The following LTBP1 variants were observed in gnomAD, a reference collection of about 807,000 sequenced individuals.
LTBP1 encodes latent-transforming growth factor beta-binding protein 1.
LTBP1 carries 129 observed loss-of-function variants against 207.6 expected under a neutral mutation model. The ratio of observed to expected loss-of-function variants is 0.62; its 90% confidence interval spans 0.54 to 0.72. LTBP1 has a LOEUF of 0.72. Among genes scored for constraint, LTBP1 ranks in the 30% least tolerant of loss-of-function variants. The pLI is 0.00. For missense variants in LTBP1, 2,281 were observed against 2,217.2 expected (o/e 1.03, Z -0.58); for synonymous variants, 963 against 833.7 (o/e 1.16, Z -2.67).
At chr2:33,312,960 G>C (rs143631012) in intron 23 of LTBP1, among the ~76,000 whole-genome samples, 3 of 152,162 alleles carry the variant, frequency 2.0e-5, no homozygotes, top group African/African-American at 7.2e-5. Flanking sequence ...TCCTCAGATA[G>C]AGGTAATTCT....
intron 27 of LTBP1, among the ~76,000 whole-genome samples, chr2:33,361,114 G>C (rs191535104): frequency 6.6e-6 from 1 of 152,190 alleles, no homozygotes; most frequent in African/African-American, 2.4e-5. Flanking sequence ...CTATGATTTC[G>C]TGTAATTGAT....
At chr2:33,239,208 T>A (rs944093437) in intron 9 of LTBP1, among the ~76,000 whole-genome samples, 15 of 152,236 alleles carry the variant, frequency 9.9e-5, no homozygotes, top group African/African-American at 3.1e-4. Context: ...CTCCTTCATG[T>A]TAGCTGTAGT....
At chr2:33,115,153 A>G (rs2080669724) in intron 4 of LTBP1, among the ~76,000 whole-genome samples, 1 of 151,886 alleles carries the variant, frequency 6.6e-6, no homozygotes, top group African/African-American at 2.4e-5. Context: ...ATGTAGGAGT[A>G]TTACTCAGCC....
chr2:33,359,487 T>C (rs1305831650), intron 26 of LTBP1, among the ~76,000 whole-genome samples: 1 of 152,122 alleles, frequency 6.6e-6, no homozygotes, highest in East Asian at 1.9e-4. Context: ...AAAACAAAGG[T>C]AAGTGTAAGT....
intron 24 of LTBP1, among the ~76,000 whole-genome samples, chr2:33,338,896 A>AG (rs2094583245): frequency 6.6e-6 from 1 of 152,216 alleles, no homozygotes; most frequent in Non-Finnish European, 1.5e-5. Flanking sequence ...GGCAGGAGGC[A>AG]GATGAGGAAG....
intron 24 of LTBP1, among the ~76,000 whole-genome samples, chr2:33,333,637 TA>T (rs961440330): frequency 6.6e-6 from 1 of 152,296 alleles, no homozygotes; most frequent in East Asian, 1.9e-4. Context: ...GCTGACATGG[TA>T]AAAAAACGAA....
chr2:33,086,674 GATGTA>G (rs2078771028), intron 3 of LTBP1, among the ~76,000 whole-genome samples: 1 of 152,198 alleles, frequency 6.6e-6, no homozygotes. Context: ...TAAGCTTAGT[GATGTA>G]ATCCTTTAAC....
intron 10 of LTBP1, among the ~76,000 whole-genome samples, chr2:33,250,414 C>G (rs1175771968): frequency 6.6e-6 from 1 of 152,180 alleles, no homozygotes; most frequent in Non-Finnish European, 1.5e-5. Context: ...TAGATAATCA[C>G]ACTTTGAACA....
At chr2:33,030,513 T>G (rs1330297505) in intron 3 of LTBP1, among the ~76,000 whole-genome samples, 2 of 152,204 alleles carry the variant, frequency 1.3e-5, no homozygotes, top group Admixed American at 6.5e-5. Flanking sequence ...ATTTCACACC[T>G]TAATTGCTTT....
chr2:33,266,535 T>C (rs1202105140), intron 15 of LTBP1, among the ~76,000 whole-genome samples: 3 of 152,082 alleles, frequency 2.0e-5, no homozygotes, highest in African/African-American at 7.2e-5. Flanking sequence ...GATAACAGTT[T>C]GGCCAATCAG....
Position 33,259,546 on chromosome 2 carries a change from G to A in LTBP1, c.2396-42G>A, listed in dbSNP as rs898992295. The A allele has an allele frequency of 4.8e-6, 7 of 1,458,532 alleles. No individual in the cohort carries two copies. In the African/African-American group the frequency reaches 9.9e-5, roughly 21 times the overall value. 90.3% of individuals were successfully genotyped at this position (1,458,532 alleles called of 1,614,324 possible). ...GAATTGAAATATAATAGACTGAATT[G>A]TCTTAAATGGTACTAATACCCTTTT... On this transcript the variant is annotated intron_variant, in intron 12 of 33. Coordinates refer to ENST00000404816, the MANE Select transcript of LTBP1 (RefSeq NM_206943.4).
chr2:33,198,203 T>C (rs937561083), intron 7 of LTBP1, among the ~76,000 whole-genome samples: 3 of 152,230 alleles, frequency 2.0e-5, no homozygotes, highest in Non-Finnish European at 2.9e-5. Flanking sequence ...ATTACATTTA[T>C]TGATTTGCGT....
chr2:33,283,004 A>G (rs2148613248), intron 19 of LTBP1, among the ~76,000 whole-genome samples: 1 of 145,128 alleles, frequency 6.9e-6, no homozygotes, highest in African/African-American at 2.6e-5. Context: ...CGGAGGTTGC[A>G]GTGAGCCGAG....
chr2:33,223,015 T>C (rs1310644923), intron 9 of LTBP1, among the ~76,000 whole-genome samples: 1 of 152,210 alleles, frequency 6.6e-6, no homozygotes, highest in Admixed American at 6.5e-5. Context: ...AAAAGCCATG[T>C]TGAGAACATG....
At chr2:33,277,088 CA>C (rs369978516) in intron 18 of LTBP1, among the ~76,000 whole-genome samples, 18 of 152,292 alleles carry the variant, frequency 1.2e-4, no homozygotes, top group Middle Eastern at 3.4e-3. Context: ...TAGGTTGGCA[CA>C]GCCAGCCCTC....
At chr2:33,382,920 A>G (rs1375525691) in intron 31 of LTBP1, among the ~76,000 whole-genome samples, 1 of 152,238 alleles carries the variant, frequency 6.6e-6, no homozygotes, top group African/African-American at 2.4e-5. Flanking sequence ...ACAGACACCC[A>G]GGCAGACATC....
chr2:33,309,887 G>A (rs965098882), intron 23 of LTBP1, among the ~76,000 whole-genome samples: 4 of 150,182 alleles, frequency 2.7e-5, no homozygotes, highest in African/African-American at 9.8e-5. Flanking sequence ...ATTTTATTTT[G>A]TCTCATAGGT....
At chr2:33,245,672 TTGA>T (rs1381938578) in intron 10 of LTBP1, among the ~76,000 whole-genome samples, 3 of 152,230 alleles carry the variant, frequency 2.0e-5, no homozygotes, top group Non-Finnish European at 4.4e-5. Flanking sequence ...AATCACATTG[TTGA>T]TGACATCCAG....
intron 2 of LTBP1, among the ~76,000 whole-genome samples, chr2:33,014,047 C>A (rs765828888): frequency 6.6e-6 from 1 of 152,100 alleles, no homozygotes; most frequent in African/African-American, 2.4e-5. Context: ...TGTGACTTGA[C>A]GATCTGACTC....
Sources: gnomAD v4.1 joint callset for allele counts (sites outside exome capture counted in the v4.1 genomes callset) on GRCh38, gnomAD v4.1.1 for gene constraint, MANE v1.5 for transcripts, NCBI Gene and HGNC (gene_info 2026-07-23, HGNC 2026-07-21) for gene names.